The following KRT7 variants were observed in gnomAD, a reference collection of about 807,000 sequenced individuals.
KRT7 encodes the protein keratin 7, also known as keratin, type II cytoskeletal 7.
In KRT7, 50 loss-of-function variants were observed where a neutral mutation model predicts 42.8. That is an observed-to-expected ratio of 1.17 (90% CI 0.93 to 1.48). The LOEUF (loss-of-function observed/expected upper bound fraction) is 1.48, where lower values mean the gene tolerates loss of function less well. Ranked by LOEUF, KRT7 falls within the 40% of genes most tolerant of loss-of-function variation. The pLI is 0.00. For synonymous variants in KRT7, 268 were observed against 266.3 expected (o/e 1.01, Z -0.06); for missense variants, 588 against 637.6 (o/e 0.92, Z 0.84).
intron 6 of KRT7, among the ~76,000 whole-genome samples, chr12:52,244,091 G>C (rs1942134596): frequency 6.6e-6 from 1 of 152,212 alleles, no homozygotes; most frequent in South Asian, 2.1e-4. Context: ...GTGGAGAGAG[G>C]GGGAGGGCAC....
chr12:52,235,122 C>T (rs576967521), intron 1 of KRT7, 33 bp from the exon 2 acceptor site: 3 of 1,606,326 alleles, frequency 1.9e-6, no homozygotes, highest in Non-Finnish European at 2.6e-6. Context: ...CGCTCTGGCT[C>T]CTCTTGAGTT....
intron 6 of KRT7, 141 bp downstream of exon 6, chr12:52,243,278 C>A: frequency 1.0e-6 from 1 of 973,586 alleles, no homozygotes; most frequent in Non-Finnish European, 1.5e-6. Context: ...CTTGTGAGAT[C>A]TCCAGCACAG....
rs1565715180 is a variant in KRT7 at position 52,233,581 on chromosome 12, C to T, written c.285C>T (p.Ile95=). 6.2e-7 allele frequency: 1 copy of T among 1,612,948 alleles called. No individual in the cohort carries two copies. Among genetic ancestry groups the T allele is most frequent in the African/African-American group, 1.3e-5 (1 of 74,866 alleles). ...TGCGCCAGGAGGAGAGCGAGCAGAT[C>T]AAGACCCTCAACAACAAGTTTGCCT... ...QRVRQEESEQ[I]KTLNNKFASF... is the part of the protein sequence containing the mutation. Residue 95 remains isoleucine, a synonymous_variant, in exon 1 of 9, where the codon ATC becomes ATT. Coordinates refer to ENST00000331817, the MANE Select transcript of KRT7 (RefSeq NM_005556.4).
At position 52,241,655 on chromosome 12, in the gene KRT7, C is replaced by A. The variant is rs540444883; in HGVS notation, c.858+19C>A. On this transcript the variant is annotated intron_variant, in intron 5 of 8. Coordinates refer to ENST00000331817, the MANE Select transcript of KRT7 (RefSeq NM_005556.4). ...GACCAAGGTGTGAGGCCACCAGGGG[C>A]GTATTTCCTCCTGCCAGGGTCCTTG... 4.8e-5 allele frequency: 77 copies of A among 1,589,910 alleles called. No individual in the cohort carries two copies. Among genetic ancestry groups the A allele is most frequent in the Non-Finnish European group, 6.2e-5 (72 of 1,166,270 alleles).
At chr12:52,233,938 C>T (rs1389276595) in intron 1 of KRT7, among the ~76,000 whole-genome samples, 5 of 152,170 alleles carry the variant, frequency 3.3e-5, no homozygotes, top group Non-Finnish European at 7.4e-5. Flanking sequence ...AGTTTTGCCT[C>T]GGACTAGGAG....
chr12:52,233,943 T>C (rs1941964532), intron 1 of KRT7, among the ~76,000 whole-genome samples: 1 of 152,150 alleles, frequency 6.6e-6, no homozygotes, highest in African/African-American at 2.4e-5. Context: ...TGCCTCGGAC[T>C]AGGAGTTCCA....
chr12:52,246,053 C>T lies in KRT7; in HGVS notation c.1205+421C>T, dbSNP rs117337212. 1.7e-3 allele frequency: 317 copies of T among 186,758 alleles called. 1 individual carries two copies. The highest frequency in any genetic ancestry group is 2.8e-3 in the Non-Finnish European group (255 of 91,684). The allele number at this position is 186,758 out of a possible 1,614,324, so 11.6% of individuals were successfully genotyped here. A position where few individuals can be genotyped will look rare whatever the true frequency, so the allele number is the denominator to read the frequency against. ...TTCCTGCTCCAAGGATCTTCCAGGA[C>T]GCCAGGCTGCTTCTCACTACAGAAC... is the stretch of plus-strand genomic sequence containing the variant. On this transcript the variant is annotated intron_variant, in intron 7 of 8. Coordinates refer to ENST00000331817, the MANE Select transcript of KRT7 (RefSeq NM_005556.4).
At chr12:52,253,250 T>C (rs1942294309), downstream of KRT7, 1 of 1,610,846 alleles carries the variant, frequency 6.2e-7, no homozygotes, top group Admixed American at 1.7e-5. Context: ...TGTCAGCCTC[T>C]GGATCATGCG....
At position 52,233,289 on chromosome 12, in the gene KRT7, C is replaced by G; in HGVS notation, c.-8C>G. On this transcript the variant is annotated 5_prime_UTR_variant, in exon 1 of 9. Coordinates refer to ENST00000331817, the MANE Select transcript of KRT7 (RefSeq NM_005556.4). Reference sequence around the variant, plus strand: ...GCCCGCCGCTAGGTCCATCCCGGCCCAGCCACCATGTCCATCCACTTCAGC... The same window carrying G: ...GCCCGCCGCTAGGTCCATCCCGGCCGAGCCACCATGTCCATCCACTTCAGC... 2 of 1,539,044 alleles carry G rather than the reference C, an allele frequency of 1.3e-6. No individual in the cohort carries two copies. The highest frequency in any genetic ancestry group is 1.7e-6 in the Non-Finnish European group (2 of 1,150,738).
At chr12:52,234,953 G>A (rs888301634) in intron 1 of KRT7, among the ~76,000 whole-genome samples, 5 of 152,202 alleles carry the variant, frequency 3.3e-5, no homozygotes, top group African/African-American at 2.4e-5. Flanking sequence ...GGGCACTTCC[G>A]TGCACCAGGC....
downstream of KRT7, chr12:52,251,951 C>G (rs985924696): frequency 3.6e-6 from 2 of 559,280 alleles, no homozygotes; most frequent in South Asian, 3.1e-5. Flanking sequence ...TTTTTACTAT[C>G]TGAAGCTCTA....
chr12:52,250,829 G>A (rs1481906279), downstream of KRT7, among the ~76,000 whole-genome samples: 3 of 152,234 alleles, frequency 2.0e-5, no homozygotes, highest in Non-Finnish European at 4.4e-5. Flanking sequence ...ACATAGCCAT[G>A]CTTCGCCTCA....
At chr12:52,249,834 T>C (rs570086820), downstream of KRT7, among the ~76,000 whole-genome samples, 1 of 152,158 alleles carries the variant, frequency 6.6e-6, no homozygotes, top group African/African-American at 2.4e-5. Flanking sequence ...TTTGACCCTA[T>C]GGTCAGGGAA....
downstream of KRT7, among the ~76,000 whole-genome samples, chr12:52,251,180 A>G (rs958990269): frequency 1.1e-4 from 16 of 152,050 alleles, no homozygotes; most frequent in African/African-American, 3.9e-4. Flanking sequence ...GGGTTTCACC[A>G]TGTTGGCCAG....
Position 52,233,547 on chromosome 12 carries a change from T to G in KRT7, c.251T>G (p.Leu84Arg). 1 of 1,613,080 alleles carries G rather than the reference T, an allele frequency of 6.2e-7. No individual in the cohort carries two copies. The highest frequency in any genetic ancestry group is 8.5e-7 in the Non-Finnish European group (1 of 1,179,774). The change falls in exon 1 of 9, where the codon CTC becomes CGC. Residue 84 changes from leucine (L) to arginine (R), a missense_variant. Coordinates refer to ENST00000331817, the MANE Select transcript of KRT7 (RefSeq NM_005556.4). ...CTGCGGCTGGACGCCGACCCCTCCC[T>G]CCAGCGGGTGCGCCAGGAGGAGAGC... ...APLRLDADPS[L>R]QRVRQEESEQ...
downstream of KRT7, chr12:52,253,633 G>T (rs769698574): frequency 1.1e-5 from 17 of 1,551,198 alleles, no homozygotes; most frequent in Non-Finnish European, 1.4e-5. Context: ...GCCTCGGCCC[G>T]GCTGCGGGTG....
downstream of KRT7, among the ~76,000 whole-genome samples, chr12:52,254,842 T>C (rs567017999): frequency 1.6e-4 from 25 of 152,214 alleles, no homozygotes; most frequent in Admixed American, 6.5e-4. Context: ...CAATAACCCC[T>C]GCTTTCCTCA....
At chr12:52,244,369 CAG>C in intron 6 of KRT7, 1 of 985,656 alleles carries the variant, frequency 1.0e-6, no homozygotes, top group East Asian at 1.1e-4. Context: ...TCTCACACAA[CAG>C]GGCGGATCCA....
intron 1 of KRT7, 54 bp downstream of exon 1, chr12:52,233,674 C>T (rs1941958932): frequency 1.3e-6 from 2 of 1,568,250 alleles, no homozygotes; most frequent in Admixed American, 3.3e-5. Flanking sequence ...ACCACACCAG[C>T]CGCCCTAACT....
Sources: gnomAD v4.1 joint callset for allele counts (sites outside exome capture counted in the v4.1 genomes callset) on GRCh38, gnomAD v4.1.1 for gene constraint, MANE v1.5 for transcripts, NCBI Gene and HGNC (gene_info 2026-07-23, HGNC 2026-07-21) for gene names.